The following POLM variants were observed in gnomAD, a reference collection of about 807,000 sequenced individuals.
POLM encodes DNA-directed DNA/RNA polymerase mu.
POLM carries 52 observed loss-of-function variants against 56.7 expected under a neutral mutation model. That is an observed-to-expected ratio of 0.92 (90% CI 0.73 to 1.15). The LOEUF is 1.15. POLM is among the 50% of genes most tolerant of loss of function. The pLI is 0.00. For missense variants in POLM, 660 were observed against 663.6 expected, an observed-to-expected ratio of 0.99 and a Z score of 0.06; for synonymous variants, 273 against 274.3, an observed-to-expected ratio of 1.00 and a Z score of 0.05.
intron 6 of POLM, 113 bp from the exon 7 acceptor site, chr7:44,074,643 G>C: frequency 8.0e-7 from 1 of 1,247,976 alleles, no homozygotes; most frequent in Admixed American, 3.2e-5. Flanking sequence ...AGGACCAGGA[G>C]AGGCCTCCGA....
chr7:44,082,485 C>A lies in POLM; in HGVS notation c.-47G>T. ...CGCGGAGCGAACGCAGAGGGAAACT[C>A]CGAGCGAGACGGAAGGAAGCCCCAG... On this transcript the variant is annotated 5_prime_UTR_variant, in exon 1 of 11. Transcript: ENST00000242248. The A allele has an allele frequency of 1.1e-6, 1 of 932,346 alleles. No homozygotes were observed. The highest frequency in any genetic ancestry group is 2.7e-5 in the South Asian group (1 of 36,394). 57.8% of individuals were successfully genotyped at this position (932,346 alleles called of 1,614,324 possible). A position where few individuals can be genotyped will look rare whatever the true frequency, so the allele number is the denominator to read the frequency against.
chr7:44,072,815 A>T lies in POLM; in HGVS notation c.*476T>A. ...GACAGTAGGCTCCTTGCTGGCACGA[A>T]CCACAGCCTCCAGCTCATGGCTCTC... On this transcript the variant is annotated 3_prime_UTR_variant, in exon 11 of 11. Transcript: ENST00000242248. The T allele has an allele frequency of 2.8e-6, 1 of 353,772 alleles. No homozygotes were observed. The highest frequency in any genetic ancestry group is 4.3e-5 in the Admixed American group (1 of 23,346). 21.9% of individuals were successfully genotyped at this position (353,772 alleles called of 1,614,324 possible).
At chr7:44,074,572 A>C in intron 6 of POLM, 42 bp from the exon 7 acceptor site, 2 of 1,506,996 alleles carry the variant, frequency 1.3e-6, no homozygotes, top group Non-Finnish European at 1.8e-6. Flanking sequence ...CAGCCTGCCC[A>C]CCACACCGAG....
chr7:44,082,225 C>T (rs997326299), intron 1 of POLM, 26 bp downstream of exon 1: 16 of 1,423,930 alleles, frequency 1.1e-5, no homozygotes, highest in Non-Finnish European at 1.4e-5. Context: ...CCATGGAAGC[C>T]CTCGCCGCGC....
rs1252901254 is a variant in POLM, at chr7:44,072,166, A to G, written c.*1125T>C. On this transcript the variant is annotated 3_prime_UTR_variant, in exon 11 of 11. Coordinates refer to ENST00000242248, the MANE Select transcript of POLM (RefSeq NM_013284.4). ...GGTGGGGGTGGAGAAGCACATGACC[A>G]CAATAGGACAGCATGGGAAGTGTTC... The G allele has an allele frequency of 1.3e-5, 2 of 152,266 alleles. No individual in the cohort carries two copies. The highest frequency in any genetic ancestry group is 2.9e-5 in the Non-Finnish European group (2 of 68,060). 9.4% of individuals were successfully genotyped at this position (152,266 alleles called of 1,614,324 possible).
chr7:44,080,074 G>C (rs1249035412), intron 2 of POLM, 115 bp from the exon 3 acceptor site: 1 of 739,644 alleles, frequency 1.4e-6, no homozygotes, highest in Admixed American at 2.1e-5. Context: ...TGGAGCTCAT[G>C]GGACAGAGGT....
At position 44,076,644 on chromosome 7, in the gene POLM, C is replaced by G; in HGVS notation, c.715-15G>C. On this transcript the variant is annotated splice_polypyrimidine_tract_variant and intron_variant, in intron 5 of 10. Coordinates refer to ENST00000242248, the MANE Select transcript of POLM (RefSeq NM_013284.4). ...TGGGTGAAGAGCTGTGGGGAAGGAG[C>G]GTAGCCCGGTTGGGCAGAGCTCTCA... The G allele has an allele frequency of 6.2e-7, 1 of 1,613,024 alleles. No homozygotes were observed. The highest frequency in any genetic ancestry group is 8.5e-7 in the Non-Finnish European group (1 of 1,179,662).
intron 4 of POLM, 59 bp downstream of exon 4, chr7:44,079,512 A>G (rs973788117): frequency 1.3e-6 from 2 of 1,545,178 alleles, no homozygotes; most frequent in African/African-American, 2.7e-5. Flanking sequence ...CTGCTGTCTC[A>G]CCAGGCCCCA....
At position 44,073,155 on chromosome 7, in the gene POLM, A is replaced by G; in HGVS notation, c.*136T>C. ...TCAACTGATCCTGCAGGCACAATTG[A>G]CCTCCGGAAGAGCCAGGCCTTGGCG... On this transcript the variant is annotated 3_prime_UTR_variant, in exon 11 of 11. Coordinates refer to ENST00000242248, the MANE Select transcript of POLM (RefSeq NM_013284.4). The G allele has an allele frequency of 4.6e-6, 7 of 1,537,450 alleles. No individual in the cohort carries two copies. The highest frequency in any genetic ancestry group is 5.3e-6 in the Non-Finnish European group (6 of 1,141,832).
At chr7:44,075,929 G>C (rs2096182393) in intron 6 of POLM, 1 of 152,426 alleles carries the variant, frequency 6.6e-6, no homozygotes, top group Non-Finnish European at 1.5e-5. Flanking sequence ...CGTAGAGACA[G>C]GGTTTCACCC....
chr7:44,074,315 C>T, intron 7 of POLM, 82 bp from the exon 8 acceptor site: 1 of 1,542,622 alleles, frequency 6.5e-7, no homozygotes, highest in Non-Finnish European at 8.8e-7. Flanking sequence ...AACGAGTGGG[C>T]CCGCTTCAGG....
At position 44,074,460 on chromosome 7, in the gene POLM, C is replaced by T. The variant is rs1158904819; in HGVS notation, c.906G>A (p.Val302=). The change falls in exon 7 of 11, where the codon GTG becomes GTA. Residue 302 remains valine (V), a synonymous_variant. Coordinates refer to ENST00000242248, the MANE Select transcript of POLM (RefSeq NM_013284.4). ...GCAGGGCCTGCCCCACAGCTTCCTC[C>T]ACCACCTGCTGCAGGGCATCTACAT... ...RSDVDALQQV[V]EEAVGQALPG... 1.9e-6 allele frequency: 3 copies of T among 1,587,980 alleles called. No homozygotes were observed. The highest frequency in any genetic ancestry group is 4.6e-5 in the East Asian group (2 of 43,600).
In POLM at chr7:44,073,111, G is replaced by A. The variant is rs868239426; in HGVS notation, c.*180C>T. On this transcript the variant is annotated 3_prime_UTR_variant, in exon 11 of 11. Coordinates refer to ENST00000242248, the MANE Select transcript of POLM (RefSeq NM_013284.4). ...GAGGGCTCCCACCTCATCACACCCT[G>A]CAGCACACCAGCAGGGGCTCAACTG... 2 of 1,480,936 alleles carry A rather than the reference G, an allele frequency of 1.4e-6. No homozygotes were observed. The highest frequency in any genetic ancestry group is 2.3e-5 in the Admixed American group (1 of 44,002). The allele number at this position is 1,480,936 out of a possible 1,614,324, so 91.7% of individuals were successfully genotyped here. A position where few individuals can be genotyped will look rare whatever the true frequency, so the allele number is the denominator to read the frequency against.
chr7:44,077,327 G>T (rs2096186559), intron 5 of POLM, among the ~76,000 whole-genome samples: 4 of 152,232 alleles, frequency 2.6e-5, no homozygotes, highest in Admixed American at 2.6e-4. Flanking sequence ...AGGGGAGGAG[G>T]AGTGGCCTGG....
intron 2 of POLM, chr7:44,080,481 G>C (rs2096196692): frequency 1.5e-6 from 1 of 673,022 alleles, no homozygotes; most frequent in African/African-American, 1.8e-5. Flanking sequence ...CCTGAAGAAG[G>C]TAAAAATAAG....
rs1229688615 is a variant in POLM at position 44,074,345 on chromosome 7, T to A, written c.968+53A>T. The A allele has an allele frequency of 1.9e-6, 3 of 1,548,756 alleles. No homozygotes were observed. In the African/African-American group the frequency reaches 4.1e-5, roughly 21 times the overall value. ...TTCAGGGTCCCCGACTCAGGTCCCT[T>A]CACTGGGGAGGGGTCTGAAGCCAAG... On this transcript the variant is annotated intron_variant, in intron 7 of 10. Transcript: ENST00000242248.
chr7:44,081,706 G>A lies in POLM; in HGVS notation c.188+545C>T, dbSNP rs531910236. The stretch of plus-strand genomic sequence containing the variant: ...GAGAAGTCAGTCTCGCTCACAGGTG[G>A]GACATAGCCCAGGCAGAAGGGCTGT... On this transcript the variant is annotated intron_variant, in intron 1 of 10. Coordinates refer to ENST00000242248, the MANE Select transcript of POLM (RefSeq NM_013284.4). Among the ~76,000 whole-genome samples the A allele has an allele frequency of 4.6e-5, 7 of 151,814 alleles. No individual in the cohort carries two copies. The East Asian group carries it at 1.4e-3, about 29-fold the overall frequency.
intron 4 of POLM, 83 bp from the exon 5 acceptor site, chr7:44,078,894 G>T: frequency 8.4e-7 from 1 of 1,196,314 alleles, no homozygotes. Flanking sequence ...CAGGGCTGGG[G>T]GCCCAAGGAC....
rs538596376 is a variant in POLM at position 44,081,378 on chromosome 7, T to C, written c.189-462A>G. Among the ~76,000 whole-genome samples, 91 of 152,352 alleles carry C rather than the reference T, an allele frequency of 6.0e-4. 1 individual carries two copies. Among genetic ancestry groups the C allele is most frequent in the Non-Finnish European group, 5.6e-4 (38 of 68,032 alleles). On this transcript the variant is annotated intron_variant, in intron 1 of 10. Transcript: ENST00000242248. ...GAGATAACATATCCACCCTGTGGGG[T>C]TGTTGTACAAAGATAGTGCCTTGTA...
Sources: gnomAD v4.1 joint callset for allele counts (sites outside exome capture counted in the v4.1 genomes callset) on GRCh38, gnomAD v4.1.1 for gene constraint, MANE v1.5 for transcripts, NCBI Gene and HGNC (gene_info 2026-07-23, HGNC 2026-07-21) for gene names.